AFF3: variants seen among roughly 807,000 people sequenced by gnomAD.
AFF3 encodes AF4/FMR2 family member 3.
Under a neutral mutation model 129.7 loss-of-function variants are expected in AFF3, and 32 were observed. That is an observed-to-expected ratio of 0.25 (90% confidence interval 0.19 to 0.33). AFF3 has a LOEUF of 0.33. Ranked by LOEUF, AFF3 falls within the 10% of genes least tolerant of loss-of-function variation. The probability of loss-of-function intolerance (pLI) is 1.00; values close to 1 mark genes in which losing one functional copy is unlikely to be tolerated. For synonymous variants in AFF3, 644 were observed against 635.4 expected (o/e 1.01, Z -0.20); for missense variants, 1,373 against 1,592.0 (o/e 0.86, Z 2.34).
chr2:99,565,466 G>A, intron 20 of AFF3, 21 bp downstream of exon 20: 1 of 1,608,254 alleles, frequency 6.2e-7, no homozygotes, highest in Admixed American at 1.7e-5. Flanking sequence ...CCCTCATCCA[G>A]CAAGAAAACA....
chr2:99,780,097 GAGC>G (rs1405781186), intron 8 of AFF3, among the ~76,000 whole-genome samples: 1 of 152,128 alleles, frequency 6.6e-6, no homozygotes, highest in Non-Finnish European at 1.5e-5. Context: ...ACTGTAGGAG[GAGC>G]AGGACTTATC....
chr2:99,935,222 C>T (rs948564333), intron 7 of AFF3, among the ~76,000 whole-genome samples: 11 of 152,140 alleles, frequency 7.2e-5, no homozygotes, highest in African/African-American at 2.4e-4. Context: ...GTATTCATGG[C>T]GGGGCAGCTA....
intron 7 of AFF3, among the ~76,000 whole-genome samples, chr2:100,004,594 G>T (rs575696660): frequency 1.3e-5 from 2 of 152,164 alleles, no homozygotes; most frequent in Non-Finnish European, 2.9e-5. Flanking sequence ...CCTGATTGCG[G>T]ATTTTATTGG....
chr2:100,139,832 A>T (rs1236769962), intron 1 of AFF3, among the ~76,000 whole-genome samples: 2 of 152,362 alleles, frequency 1.3e-5, no homozygotes, highest in East Asian at 3.9e-4. Flanking sequence ...AAAAGAACAG[A>T]TAGGATGATT....
At chr2:99,799,308 C>G (rs1181685845) in intron 8 of AFF3, among the ~76,000 whole-genome samples, 3 of 151,174 alleles carry the variant, frequency 2.0e-5, no homozygotes, top group Non-Finnish European at 4.4e-5. Flanking sequence ...AAATGAAACA[C>G]AGAGAGAAAA....
At chr2:99,947,131 G>A (rs62147659) in intron 7 of AFF3, among the ~76,000 whole-genome samples, 14,184 of 152,076 alleles carry the variant, frequency 0.093, 912 homozygotes, top group Non-Finnish European at 0.13. Context: ...ACAAATATAC[G>A]GGATATAAAG....
chr2:100,141,281 C>G (rs1692858761), intron 1 of AFF3, among the ~76,000 whole-genome samples: 1 of 152,174 alleles, frequency 6.6e-6, no homozygotes. Context: ...ATATGCATAA[C>G]ACCACTAAAC....
Position 99,551,405 on chromosome 2 carries a change from A to T in AFF3, c.*69T>A. On this transcript the variant is annotated 3_prime_UTR_variant, in exon 25 of 25. Transcript: ENST00000672756. ...AAATGCTGTGGCTGGGAGTTTCAGT[A>T]GCACAGTGTCCAAAAACGTTGAGCC... 1 of 1,593,322 alleles carries T rather than the reference A, an allele frequency of 6.3e-7. No individual in the cohort carries two copies. Among genetic ancestry groups the T allele is most frequent in the Non-Finnish European group, 8.6e-7 (1 of 1,167,472 alleles).
intron 20 of AFF3, among the ~76,000 whole-genome samples, chr2:99,562,947 G>A (rs752985907): frequency 7.2e-5 from 11 of 152,072 alleles, no homozygotes; most frequent in Non-Finnish European, 1.5e-4. Flanking sequence ...TGGAAGGGTG[G>A]GAGGAGAGGG....
chr2:99,755,456 G>A (rs902704302), intron 8 of AFF3, among the ~76,000 whole-genome samples: 3 of 152,036 alleles, frequency 2.0e-5, no homozygotes, highest in African/African-American at 7.2e-5. Flanking sequence ...TAGTAGAGAT[G>A]GGGTTTCTCC....
intron 9 of AFF3, among the ~76,000 whole-genome samples, chr2:99,746,092 CA>C (rs1057120426): frequency 2.0e-5 from 3 of 150,076 alleles, no homozygotes; most frequent in African/African-American, 7.4e-5. Context: ...TCCATGTAAC[CA>C]AAAACCACTT....
At chr2:99,867,869 CACTTCATTACGCCAG>C (rs1169627172) in intron 7 of AFF3, among the ~76,000 whole-genome samples, 3 of 152,192 alleles carry the variant, frequency 2.0e-5, no homozygotes, top group Non-Finnish European at 4.4e-5. Flanking sequence ...CTCTGGGTGA[CACTTCATTACGCCAG>C]ACTTCCTCCA....
intron 19 of AFF3, among the ~76,000 whole-genome samples, chr2:99,568,543 T>A (rs1437714446): frequency 6.6e-6 from 1 of 152,160 alleles, no homozygotes; most frequent in Non-Finnish European, 1.5e-5. Context: ...AATGCAAATC[T>A]AGATTTTACT....
chr2:99,718,269 C>T lies in AFF3; in HGVS notation c.1091+8808G>A, dbSNP rs144239785. On this transcript the variant is annotated intron_variant, in intron 11 of 24. Coordinates refer to ENST00000672756, the MANE Select transcript of AFF3 (RefSeq NM_001386135.1). ...ATCAAGATGAGAAAAATCGAGATGT[C>T]AACACTATCAAGTTTTCCAATTCAT... Among the ~76,000 whole-genome samples, 683 of 152,266 alleles carry T rather than the reference C, an allele frequency of 4.5e-3. 4 individuals carry two copies. The highest frequency in any genetic ancestry group is 0.016 in the African/African-American group (645 of 41,560).
chr2:100,077,438 A>G (rs940350941), intron 4 of AFF3, among the ~76,000 whole-genome samples: 4 of 152,054 alleles, frequency 2.6e-5, no homozygotes, highest in Admixed American at 6.5e-5. Flanking sequence ...GAAGCTGGAA[A>G]TAGCAAGGAA....
At chr2:99,661,554 C>T (rs1686232055) in intron 12 of AFF3, among the ~76,000 whole-genome samples, 1 of 152,142 alleles carries the variant, frequency 6.6e-6, no homozygotes, top group Non-Finnish European at 1.5e-5. Flanking sequence ...TCCCATGGCC[C>T]AGGCTGGTTG....
At chr2:100,043,730 C>T (rs1259611394) in intron 4 of AFF3, among the ~76,000 whole-genome samples, 1 of 152,142 alleles carries the variant, frequency 6.6e-6, no homozygotes, top group Non-Finnish European at 1.5e-5. Flanking sequence ...TCTTTAATCA[C>T]GAGTTTTTAA....
chr2:100,120,105 C>T (rs985741634), intron 2 of AFF3, among the ~76,000 whole-genome samples: 1 of 152,166 alleles, frequency 6.6e-6, no homozygotes, highest in African/African-American at 2.4e-5. Flanking sequence ...ATAGTCCATA[C>T]GAGAAGTATT....
At chr2:100,076,623 T>A (rs1009369256) in intron 4 of AFF3, among the ~76,000 whole-genome samples, 2 of 152,126 alleles carry the variant, frequency 1.3e-5, no homozygotes, top group African/African-American at 4.8e-5. Context: ...GACACTGAGG[T>A]TGACTCCATT....
Sources: allele counts gnomAD v4.1 joint callset (sites outside exome capture counted in the v4.1 genomes callset), GRCh38; gene constraint gnomAD v4.1.1; transcripts MANE v1.5; gene names NCBI Gene and HGNC (gene_info 2026-07-23, HGNC 2026-07-21).